Variants in C2 observed in about 807,000 individuals in gnomAD.
C2 encodes C3/C5 convertase.
In C2, 64 loss-of-function variants were observed where a neutral mutation model predicts 85.2. That is an observed-to-expected ratio of 0.75 (90% confidence interval 0.61 to 0.92). The LOEUF is 0.92. Among genes scored for constraint, C2 ranks in the 40% least tolerant of loss-of-function variants. The pLI is 0.00. For missense variants in C2, 820 were observed against 971.6 expected (o/e 0.84, Z 2.07); for synonymous variants, 311 against 370.8 (o/e 0.84, Z 1.85).
chr6:31,912,852 A>AG, intron 1 of C2, among the ~76,000 whole-genome samples: 1 of 53,588 alleles, frequency 1.9e-5, no homozygotes, highest in Non-Finnish European at 3.2e-5. Context: ...AAAAGAAAAA[A>AG]AAAAAAAAAG....
intron 3 of C2, among the ~76,000 whole-genome samples, chr6:31,930,727 C>T (rs1175163006): frequency 6.6e-6 from 1 of 152,178 alleles, no homozygotes; most frequent in Admixed American, 6.5e-5. Context: ...TGGATCCCCA[C>T]TCATGCCCTT....
In C2 at chr6:31,944,437, A is replaced by G. The variant is rs1456322667; in HGVS notation, c.1902+211A>G. On this transcript the variant is annotated intron_variant, in intron 15 of 17. Transcript: ENST00000299367. This position sits in a 1 kb window ranked among gnomAD's most constrained non-coding sequence, Gnocchi z 5.1. The stretch of plus-strand genomic sequence containing the variant: ...TGCTCTGTCTCCCAGGCTGGAGTGC[A>G]GTGGCACGACCTCAGCTCACTGCAA... Among the ~76,000 whole-genome samples, 1 of 152,144 alleles carries G rather than the reference A, an allele frequency of 6.6e-6. No homozygotes were observed.
chr6:31,923,081 T>A (rs1182261007), upstream of C2, among the ~76,000 whole-genome samples: 1 of 152,176 alleles, frequency 6.6e-6, no homozygotes, highest in Non-Finnish European at 1.5e-5. Flanking sequence ...ACGGTTACAT[T>A]TGCTGGGCTT....
chr6:31,932,439 C>T lies in C2; in HGVS notation c.443-1171C>T, dbSNP rs9267745. ...GCAGAGGGTCTCCTCACTTCTCAGA[C>T]GGGGCGGCCGGGCAGAGACGCTCCT... is the stretch of plus-strand genomic sequence containing the variant. On this transcript the variant is annotated intron_variant, in intron 3 of 17. Coordinates refer to ENST00000299367, the MANE Select transcript of C2 (RefSeq NM_000063.6). 170 of 274,160 alleles carry T rather than the reference C, an allele frequency of 6.2e-4. 3 individuals are homozygous for T. The highest frequency in any genetic ancestry group is 3.7e-3 in the South Asian group (136 of 36,890). 17.0% of individuals were successfully genotyped at this position (274,160 alleles called of 1,614,324 possible). A position where few individuals can be genotyped will look rare whatever the true frequency, so the allele number is the denominator to read the frequency against.
In C2 at chr6:31,943,057, C is replaced by T; in HGVS notation, c.1318C>T (p.Gln440Ter). The T allele has an allele frequency of 6.2e-7, 1 of 1,613,080 alleles. No individual in the cohort carries two copies. The highest frequency in any genetic ancestry group is 2.2e-5 in the East Asian group (1 of 44,886). The change falls in exon 10 of 18, where the codon CAG becomes TAG. Residue 440 changes from glutamine (Q) to a stop codon, truncating the protein, a stop_gained. Coordinates refer to ENST00000299367, the MANE Select transcript of C2 (RefSeq NM_000063.6). LOFTEE classifies it high-confidence loss of function. This position sits in a 1 kb window ranked among gnomAD's most constrained non-coding sequence, Gnocchi z 6.4. ...TGGTGAGAGGCATGCCTTCATTCTG[C>T]AGGACACAAAGGCTCTGCACCAGGT... ...KDGERHAFIL[Q>*]DTKALHQVFE...
intron 9 of C2, chr6:31,941,485 C>T (rs557209672): frequency 1.3e-5 from 2 of 152,332 alleles, no homozygotes; most frequent in Admixed American, 1.3e-4. Flanking sequence ...GTCCAAATTC[C>T]TTTCTTCTTT....
upstream of C2, among the ~76,000 whole-genome samples, chr6:31,925,069 T>C (rs1407977341): frequency 1.3e-5 from 2 of 152,180 alleles, no homozygotes; most frequent in African/African-American, 2.4e-5. Flanking sequence ...AAGGACCTGC[T>C]GTCCTACTGT....
At position 31,920,532 on chromosome 6, in the gene C2, A is replaced by G. The variant is rs1193766613; in HGVS notation, c.-100+506A>G. 6.6e-6 allele frequency among the ~76,000 whole-genome samples: 1 copy of G among 151,956 alleles called. No individual in the cohort carries two copies. The highest frequency in any genetic ancestry group is 1.9e-4 in the East Asian group (1 of 5,178). On this transcript the variant is annotated intron_variant, in intron 1 of 3. Transcript: ENST00000413154. The surrounding 1 kb of genome is among the most constrained non-coding windows in gnomAD (Gnocchi z 5.6). ...CCTCCCCCTGGCCCATCCTCAGCTG[A>G]CCCCTGAGCACCTGAGTTGTGTTTA... is the stretch of plus-strand genomic sequence containing the variant.
In C2 at chr6:31,939,271, C is replaced by T; in HGVS notation, c.1170C>T (p.Asp390=). The T allele has an allele frequency of 6.2e-7, 1 of 1,612,586 alleles. No individual in the cohort carries two copies. The highest frequency in any genetic ancestry group is 8.5e-7 in the Non-Finnish European group (1 of 1,179,850). The change falls in exon 9 of 18, where the codon GAC becomes GAT. Residue 390 remains aspartate, a synonymous_variant. Coordinates refer to ENST00000299367, the MANE Select transcript of C2 (RefSeq NM_000063.6). ...NMGGSPKTAV[D]HIREILNINQ... ...GTGGCTCTCCCAAGACAGCTGTTGA[C>T]CATATCAGAGAGATCCTGAACATCA...
At chr6:31,924,603 A>G (rs1469669352), upstream of C2, among the ~76,000 whole-genome samples, 1 of 152,238 alleles carries the variant, frequency 6.6e-6, no homozygotes, top group Non-Finnish European at 1.5e-5. Flanking sequence ...CACTGTGCCA[A>G]GTTGATGTAG....
At chr6:31,907,435 T>C (rs1336793653) in intron 1 of C2, among the ~76,000 whole-genome samples, 1 of 147,958 alleles carries the variant, frequency 6.8e-6, no homozygotes, top group African/African-American at 2.5e-5. Context: ...AAAAAAAAAA[T>C]AGCTGTGGGA....
At chr6:31,909,216 A>C (rs1767927098) in intron 1 of C2, among the ~76,000 whole-genome samples, 1 of 151,926 alleles carries the variant, frequency 6.6e-6, no homozygotes, top group Admixed American at 6.6e-5. Context: ...TTGTTTGTAT[A>C]CCTATTTACA....
chr6:31,943,804 T>C lies in C2; in HGVS notation c.1728T>C (p.His576=), dbSNP rs1562616818. The C allele has an allele frequency of 1.9e-6, 3 of 1,613,046 alleles. No individual in the cohort carries two copies. The highest frequency in any genetic ancestry group is 4.5e-5 in the East Asian group (2 of 44,880). ...KLAQKVKMST[H]ARPICLPCTM... ...CCCAGAAAGTAAAGATGTCCACCCA[T>C]GCCAGGTGCCTGGAGTCTGGGATGG... Residue 576 remains histidine (H), a synonymous_variant, in exon 13 of 18, where the codon CAT becomes CAC. Transcript: ENST00000299367. The surrounding 1 kb of genome is among the most constrained non-coding windows in gnomAD (Gnocchi z 6.4).
chr6:31,910,724 A>C (rs1369725775), intron 1 of C2, among the ~76,000 whole-genome samples: 1 of 152,050 alleles, frequency 6.6e-6, no homozygotes, highest in African/African-American at 2.4e-5. Flanking sequence ...CCACACCTGT[A>C]ATCCCAGCAC....
At chr6:31,900,438 C>T, upstream of C2, 2 of 1,560,284 alleles carry the variant, frequency 1.3e-6, no homozygotes, top group Non-Finnish European at 1.7e-6. This position sits in a 1 kb window ranked among gnomAD's most constrained non-coding sequence, Gnocchi z 9.7. Context: ...CCCGAGGTGG[C>T]CCCCACGCTG....
upstream of C2, among the ~76,000 whole-genome samples, chr6:31,924,637 C>T (rs754399024): frequency 4.6e-5 from 7 of 152,192 alleles, no homozygotes; most frequent in Admixed American, 6.5e-5. Flanking sequence ...GGGAAAAACT[C>T]ATGAAAGAAA....
At chr6:31,937,275 G>C (rs1411135912) in intron 7 of C2, 44 bp from the exon 8 acceptor site, 1 of 1,605,594 alleles carries the variant, frequency 6.2e-7, no homozygotes, top group Non-Finnish European at 8.5e-7. Context: ...CTAGGTGGTA[G>C]GTGGGAAGTT....
chr6:31,915,960 C>T (rs1039291753), upstream of C2, among the ~76,000 whole-genome samples: 1 of 152,210 alleles, frequency 6.6e-6, no homozygotes, highest in Non-Finnish European at 1.5e-5. Flanking sequence ...GGGAACCAAA[C>T]GTGTCACAGC....
At chr6:31,901,470 G>A in intron 1 of C2, 1 of 830,578 alleles carries the variant, frequency 1.2e-6, no homozygotes. Flanking sequence ...CCCAACCCTG[G>A]GGAGGTGCTG....
Sources: gnomAD v4.1 joint callset for allele counts (sites outside exome capture counted in the v4.1 genomes callset) on GRCh38, gnomAD v4.1.1 for gene constraint, Gnocchi (gnomAD v3.1) non-coding constraint, MANE v1.5 for transcripts, NCBI Gene and HGNC (gene_info 2026-07-23, HGNC 2026-07-21) for gene names.